COG6: variants seen among roughly 807,000 people sequenced by gnomAD.
COG6 encodes component of oligomeric golgi complex 6, also known as conserved oligomeric Golgi complex subunit 6.
COG6 carries 74 observed loss-of-function variants against 88.8 expected under a neutral mutation model. The observed-to-expected ratio is 0.83, with a 90% CI of 0.69 to 1.01. The LOEUF (loss-of-function observed/expected upper bound fraction) is 1.01, where lower values mean the gene tolerates loss of function less well. COG6 is among the 50% of genes least tolerant of loss of function. The pLI, the probability that COG6 is intolerant of heterozygous loss-of-function variation, is 0.00. For missense variants in COG6, 800 were observed against 797.9 expected (o/e 1.00, Z -0.03); for synonymous variants, 286 against 278.7 (o/e 1.03, Z -0.26).
At chr13:39,669,492 A>G (rs1875487515) in intron 4 of COG6, among the ~76,000 whole-genome samples, 1 of 152,214 alleles carries the variant, frequency 6.6e-6, no homozygotes, top group African/African-American at 2.4e-5. Flanking sequence ...GTTTCTCCTA[A>G]ACTGTGAGCT....
At position 39,776,483 on chromosome 13, in the gene COG6, C is replaced by T. The variant is rs550651032; in HGVS notation, c.1827-11852C>T. 3.3e-5 allele frequency among the ~76,000 whole-genome samples: 5 copies of T among 152,308 alleles called. No individual in the cohort carries two copies. The South Asian group carries it at 1.0e-3, about 32-fold the overall frequency. On this transcript the variant is annotated intron_variant, in intron 18 of 18. Transcript: ENST00000416691. ...CCATTGTTATTGTTAGATATTAGCC[C>T]TTCTGATCTTGCACAGTCCCCTTGC...
intron 18 of COG6, among the ~76,000 whole-genome samples, chr13:39,770,641 G>A (rs1881294010): frequency 6.6e-6 from 1 of 152,168 alleles, no homozygotes; most frequent in Middle Eastern, 3.4e-3. Context: ...TAATCCATTT[G>A]ATTAAAAAGA....
chr13:39,770,678 G>A (rs1236898040), intron 18 of COG6, among the ~76,000 whole-genome samples: 6 of 152,196 alleles, frequency 3.9e-5, no homozygotes, highest in Admixed American at 3.9e-4. Context: ...TGTCTCCAGA[G>A]GTGGCTATAG....
At chr13:39,683,306 G>A (rs1383819953) in intron 8 of COG6, among the ~76,000 whole-genome samples, 1 of 152,172 alleles carries the variant, frequency 6.6e-6, no homozygotes, top group East Asian at 1.9e-4. Context: ...TGGTGTAGGG[G>A]AAAGAGATGA....
Position 39,655,871 on chromosome 13 carries a change from AACG to A in COG6, c.148_150del (p.Asp50del). ...TAAGATCCTGGAGACGCGGCTGGAC[AACG>A]ACAAGGTAACCGGGGCTGGCGGGGC... On this transcript the variant is annotated inframe_deletion, in exon 1 of 19. Transcript: ENST00000455146. 1.9e-6 allele frequency: 3 copies of A among 1,607,208 alleles called. No individual in the cohort carries two copies. The highest frequency in any genetic ancestry group is 2.5e-6 in the Non-Finnish European group (3 of 1,177,922).
intron 18 of COG6, among the ~76,000 whole-genome samples, chr13:39,733,536 T>C (rs79726547): frequency 6.6e-6 from 1 of 152,054 alleles, no homozygotes; most frequent in Non-Finnish European, 1.5e-5. Flanking sequence ...TTCTCTATTA[T>C]TTTGAGAATT....
intron 13 of COG6, among the ~76,000 whole-genome samples, chr13:39,711,742 A>C (rs1415097004): frequency 6.6e-6 from 1 of 152,240 alleles, no homozygotes; most frequent in Non-Finnish European, 1.5e-5. Context: ...CATTTTGAAG[A>C]TAGAAATATA....
Position 39,719,647 on chromosome 13 carries a change from T to G in COG6, c.1417-13T>G. On this transcript the variant is annotated splice_polypyrimidine_tract_variant and intron_variant, in intron 14 of 18. Coordinates refer to ENST00000455146, the MANE Select transcript of COG6 (RefSeq NM_020751.3). Reference sequence around the variant, plus strand: ...TTGAGAAATAAAGAGTTCATTTTATTTTTCATTTGTAGGTTTTATCATGTG... The same window carrying G: ...TTGAGAAATAAAGAGTTCATTTTATGTTTCATTTGTAGGTTTTATCATGTG... The G allele has an allele frequency of 6.2e-7, 1 of 1,608,594 alleles. No individual in the cohort carries two copies.
chr13:39,784,047 A>C (rs1881705088), intron 18 of COG6, among the ~76,000 whole-genome samples: 1 of 152,134 alleles, frequency 6.6e-6, no homozygotes, highest in African/African-American at 2.4e-5. Context: ...GCAAAGTTTG[A>C]TGCAGGGCCG....
intron 7 of COG6, 67 bp downstream of exon 7, chr13:39,680,112 G>A: frequency 7.8e-6 from 7 of 898,714 alleles, no homozygotes; most frequent in South Asian, 6.1e-5. Context: ...AATTTTACTT[G>A]GTCTTTATTT....
intron 18 of COG6, among the ~76,000 whole-genome samples, chr13:39,743,864 G>A (rs1880188049): frequency 6.6e-6 from 1 of 151,968 alleles, no homozygotes; most frequent in Non-Finnish European, 1.5e-5. Flanking sequence ...ATAAAATACT[G>A]GCAAACTGAA....
chr13:39,679,192 C>T (rs1416770183), intron 5 of COG6, among the ~76,000 whole-genome samples: 1 of 152,124 alleles, frequency 6.6e-6, no homozygotes, highest in Non-Finnish European at 1.5e-5. Flanking sequence ...GTGTGTAATA[C>T]ACAATACTTT....
At chr13:39,749,028 G>A (rs1880485551) in intron 18 of COG6, among the ~76,000 whole-genome samples, 1 of 152,038 alleles carries the variant, frequency 6.6e-6, no homozygotes, top group African/African-American at 2.4e-5. Flanking sequence ...AATGTGTTCT[G>A]TTGATGATGA....
At chr13:39,732,156 A>G (rs887988155) in intron 18 of COG6, among the ~76,000 whole-genome samples, 4 of 152,172 alleles carry the variant, frequency 2.6e-5, no homozygotes, top group African/African-American at 9.7e-5. Context: ...ACACCCGGAA[A>G]TTATGCTTTA....
rs1000164141 is a variant in COG6 at position 39,682,332 on chromosome 13, G to A, written c.788+68G>A. Reference sequence around the variant, plus strand: ...TTTTGATATCTTACTTTAAATTTTAGTATTATCAAAAGCGTATATAATAGT... The same window carrying A: ...TTTTGATATCTTACTTTAAATTTTAATATTATCAAAAGCGTATATAATAGT... On this transcript the variant is annotated intron_variant, in intron 8 of 18. Coordinates refer to ENST00000455146, the MANE Select transcript of COG6 (RefSeq NM_020751.3). The A allele has an allele frequency of 7.9e-6, 7 of 885,350 alleles. No individual in the cohort carries two copies. In the Admixed American group the frequency reaches 8.9e-5, roughly 11 times the overall value. The allele number at this position is 885,350 out of a possible 1,614,324, so 54.8% of individuals were successfully genotyped here. A position where few individuals can be genotyped will look rare whatever the true frequency, so the allele number is the denominator to read the frequency against.
intron 12 of COG6, among the ~76,000 whole-genome samples, chr13:39,697,413 CCT>C (rs916207642): frequency 7.2e-5 from 11 of 151,774 alleles, no homozygotes; most frequent in African/African-American, 2.7e-4. Flanking sequence ...AAAAAATTTA[CCT>C]CTCATACATT....
At chr13:39,720,771 T>G (rs997484315) in intron 15 of COG6, among the ~76,000 whole-genome samples, 2 of 152,086 alleles carry the variant, frequency 1.3e-5, no homozygotes, top group Non-Finnish European at 2.9e-5. Context: ...TTGCTACTTA[T>G]AGATTTTTTT....
chr13:39,733,441 G>A (rs765642015), intron 18 of COG6, among the ~76,000 whole-genome samples: 2 of 151,936 alleles, frequency 1.3e-5, no homozygotes, highest in African/African-American at 2.4e-5. Flanking sequence ...TGCCCACCTC[G>A]TCCTCCCAAA....
At chr13:39,716,563 A>AT (rs956504719) in intron 13 of COG6, among the ~76,000 whole-genome samples, 27 of 150,500 alleles carry the variant, frequency 1.8e-4, no homozygotes, top group South Asian at 4.2e-4. Context: ...GTCTTAAGTG[A>AT]TTTTTTTTTC....
Sources: allele counts gnomAD v4.1 joint callset (sites outside exome capture counted in the v4.1 genomes callset), GRCh38; gene constraint gnomAD v4.1.1; transcripts MANE v1.5; gene names NCBI Gene and HGNC (gene_info 2026-07-23, HGNC 2026-07-21).